Variants in CCBE1 observed in about 807,000 individuals in gnomAD.
CCBE1 encodes the protein collagen and calcium binding EGF domains 1.
In CCBE1, 37 loss-of-function variants were observed where a neutral mutation model predicts 50.0. The observed-to-expected ratio is 0.74, with a 90% CI of 0.57 to 0.97. The LOEUF (loss-of-function observed/expected upper bound fraction) is 0.97, where lower values mean the gene tolerates loss of function less well. CCBE1 is among the 50% of genes least tolerant of loss of function. CCBE1 has a pLI of 0.00. For synonymous variants in CCBE1, 234 were observed against 203.7 expected (o/e 1.15, Z -1.27); for missense variants, 538 against 523.8 (o/e 1.03, Z -0.26).
chr18:59,617,171 A>G (rs2053648027), intron 2 of CCBE1, among the ~76,000 whole-genome samples: 1 of 152,238 alleles, frequency 6.6e-6, no homozygotes, highest in Non-Finnish European at 1.5e-5. Context: ...CAAGATCATC[A>G]TCACTGGAAC....
chr18:59,583,047 G>A (rs2053108941), intron 2 of CCBE1, among the ~76,000 whole-genome samples: 1 of 151,870 alleles, frequency 6.6e-6, no homozygotes, highest in Admixed American at 6.6e-5. Context: ...TTGAACTCCT[G>A]GGCTTAAGTG....
chr18:59,513,637 C>T (rs893036902), intron 2 of CCBE1, among the ~76,000 whole-genome samples: 2 of 152,168 alleles, frequency 1.3e-5, no homozygotes, highest in East Asian at 1.9e-4. Flanking sequence ...GCAGAGATAG[C>T]CCATGAATCT....
At chr18:59,603,750 G>A (rs2053461748) in intron 2 of CCBE1, among the ~76,000 whole-genome samples, 1 of 152,162 alleles carries the variant, frequency 6.6e-6, no homozygotes, top group African/African-American at 2.4e-5. Context: ...AGGAGAAACA[G>A]TACCTCTTAT....
At chr18:59,581,693 C>A (rs182362261) in intron 2 of CCBE1, among the ~76,000 whole-genome samples, 45 of 152,292 alleles carry the variant, frequency 3.0e-4, no homozygotes, top group Non-Finnish European at 5.1e-4. Flanking sequence ...TTCTGTATTA[C>A]TTACGTTGGG....
chr18:59,439,923 T>A (rs1198771185), intron 7 of CCBE1, 107 bp from the exon 8 acceptor site: 6 of 1,218,038 alleles, frequency 4.9e-6, no homozygotes, highest in Middle Eastern at 2.8e-4. Flanking sequence ...GTACTCTCTC[T>A]GCCTTTGCCT....
chr18:59,456,920 A>G (rs2143682610), intron 5 of CCBE1, among the ~76,000 whole-genome samples: 1 of 152,292 alleles, frequency 6.6e-6, no homozygotes, highest in African/African-American at 2.4e-5. Flanking sequence ...CCATCCCTGC[A>G]CCATGGGAGA....
At chr18:59,543,834 C>CAAAAAAAAAAAAAAAAAAAA (rs10678902) in intron 2 of CCBE1, among the ~76,000 whole-genome samples, 12 of 68,994 alleles carry the variant, frequency 1.7e-4, no homozygotes, top group African/African-American at 7.2e-4. Context: ...GACTCCGTCT[C>CAAAAAAAAAAAAAAAAAAAA]AAAAAAAAAA....
At chr18:59,469,164 C>T (rs1911901039) in intron 4 of CCBE1, among the ~76,000 whole-genome samples, 1 of 152,176 alleles carries the variant, frequency 6.6e-6, no homozygotes, top group Non-Finnish European at 1.5e-5. Flanking sequence ...GTTCTGTCTG[C>T]GTTTTTACTT....
chr18:59,458,378 G>T (rs1265098105), intron 5 of CCBE1, among the ~76,000 whole-genome samples: 2 of 149,974 alleles, frequency 1.3e-5, no homozygotes, highest in African/African-American at 5.0e-5. Context: ...AGCCCTGTTG[G>T]CAGAGCGGGG....
At chr18:59,548,996 G>C (rs147909657) in intron 2 of CCBE1, among the ~76,000 whole-genome samples, 1 of 151,366 alleles carries the variant, frequency 6.6e-6, no homozygotes, top group Non-Finnish European at 1.5e-5. Context: ...CCAACTACTC[G>C]GGAGGCTGAG....
chr18:59,593,753 T>C (rs1159746934), intron 2 of CCBE1, among the ~76,000 whole-genome samples: 1 of 152,262 alleles, frequency 6.6e-6, no homozygotes, highest in African/African-American at 2.4e-5. Context: ...ATCAAAGCTG[T>C]TCTCATTGTC....
chr18:59,469,912 C>A (rs1568157291), intron 3 of CCBE1, among the ~76,000 whole-genome samples: 1 of 152,138 alleles, frequency 6.6e-6, no homozygotes, highest in Non-Finnish European at 1.5e-5. Flanking sequence ...CGGATTCCCT[C>A]GGGGTTGGGG....
intron 2 of CCBE1, among the ~76,000 whole-genome samples, chr18:59,575,488 A>C (rs2052981491): frequency 6.6e-6 from 1 of 152,210 alleles, no homozygotes; most frequent in African/African-American, 2.4e-5. Context: ...TCAGACTGAG[A>C]ATGTTCAAAT....
At chr18:59,531,988 C>T (rs984508546) in intron 2 of CCBE1, among the ~76,000 whole-genome samples, 1 of 152,210 alleles carries the variant, frequency 6.6e-6, no homozygotes, top group Non-Finnish European at 1.5e-5. Context: ...ACTTGCAACA[C>T]GTATTTCCCT....
rs112570346 is a variant in CCBE1, at chr18:59,538,421, G to A, written c.213-58183C>T. Reference sequence around the variant, plus strand: ...TTGGGATACTTTGAAAAGGCGCGATGCAATGCCAAGAAGCAAATCAATCAG... The same window carrying A: ...TTGGGATACTTTGAAAAGGCGCGATACAATGCCAAGAAGCAAATCAATCAG... On this transcript the variant is annotated intron_variant, in intron 2 of 10. Transcript: ENST00000439986. Among the ~76,000 whole-genome samples, 188 of 152,318 alleles carry A rather than the reference G, an allele frequency of 1.2e-3. 2 individuals carry two copies. Among genetic ancestry groups the A allele is most frequent in the African/African-American group, 4.3e-3 (180 of 41,570 alleles).
At chr18:59,444,318 AT>A (rs147064302) in intron 7 of CCBE1, among the ~76,000 whole-genome samples, 3 of 151,572 alleles carry the variant, frequency 2.0e-5, no homozygotes, top group Non-Finnish European at 4.4e-5. Flanking sequence ...ATATATATAC[AT>A]TTTTTTTAGT....
rs139723280 is a variant in CCBE1, at chr18:59,533,782, C to T, written c.213-53544G>A. 8.4e-3 allele frequency among the ~76,000 whole-genome samples: 1,274 copies of T among 152,284 alleles called. 16 individuals carry two copies. Among genetic ancestry groups the T allele is most frequent in the South Asian group, 0.027 (128 of 4,820 alleles). The stretch of plus-strand genomic sequence containing the variant: ...AATTGTTTTGCTTATACAGAAAGAT[C>T]ATCTTGGTTGTGATATCCAAGTTAC... On this transcript the variant is annotated intron_variant, in intron 2 of 10. Transcript: ENST00000439986.
intron 2 of CCBE1, among the ~76,000 whole-genome samples, chr18:59,532,463 A>G (rs1915090929): frequency 6.6e-6 from 1 of 152,186 alleles, no homozygotes; most frequent in Non-Finnish European, 1.5e-5. Flanking sequence ...GACCTGTACC[A>G]ATAGCTTGCT....
intron 7 of CCBE1, among the ~76,000 whole-genome samples, chr18:59,440,832 C>G (rs1352894788): frequency 6.6e-6 from 1 of 152,130 alleles, no homozygotes; most frequent in Non-Finnish European, 1.5e-5. Context: ...CCCGTTGCCC[C>G]ACAACTCTAG....
Sources: allele counts gnomAD v4.1 joint callset (sites outside exome capture counted in the v4.1 genomes callset), GRCh38; gene constraint gnomAD v4.1.1; transcripts MANE v1.5; gene names NCBI Gene and HGNC (gene_info 2026-07-23, HGNC 2026-07-21).